Variants in PIGN observed in about 807,000 individuals in gnomAD.
PIGN encodes the protein phosphatidylinositol glycan anchor biosynthesis class N.
PIGN carries 117 observed loss-of-function variants against 125.4 expected under a neutral mutation model. The observed-to-expected ratio is 0.93, with a 90% CI of 0.80 to 1.09. The LOEUF is 1.09. PIGN is among the 50% of genes least tolerant of loss of function. The pLI is 0.00. For synonymous variants in PIGN, 392 were observed against 377.8 expected, an observed-to-expected ratio of 1.04 and a Z score of -0.44; for missense variants, 1,075 against 1,094.9, an observed-to-expected ratio of 0.98 and a Z score of 0.26.
chr18:62,029,296 A>C (rs979809804), intron 23 of PIGN, among the ~76,000 whole-genome samples: 1 of 152,026 alleles, frequency 6.6e-6, no homozygotes, highest in Admixed American at 6.6e-5. Flanking sequence ...CTTTTTTCTC[A>C]TATTCCCACC....
chr18:62,139,449 G>A (rs553864504), intron 12 of PIGN, among the ~76,000 whole-genome samples: 2 of 152,314 alleles, frequency 1.3e-5, no homozygotes, highest in Admixed American at 6.5e-5. Flanking sequence ...TACATAATAA[G>A]AGTAAGGACT....
intron 14 of PIGN, among the ~76,000 whole-genome samples, chr18:62,124,929 ATTATTT>A (rs1243314954): frequency 1.3e-5 from 2 of 150,024 alleles, no homozygotes; most frequent in African/African-American, 4.9e-5. Context: ...AAAACATGTA[ATTATTT>A]TTAATAGTTA....
rs755260689 is a variant in PIGN, at chr18:62,109,987, CA to C, written c.1435-15del. On this transcript the variant is annotated splice_polypyrimidine_tract_variant and intron_variant, in intron 16 of 30. Coordinates refer to ENST00000640252, the MANE Select transcript of PIGN (RefSeq NM_176787.5). ...ATGGCTTGGTTTCTGAAAAATCAAA[CA>C]AAACATTGAAACACTTCCAAACCAA... The C allele has an allele frequency of 1.2e-6, 2 of 1,612,352 alleles. No individual in the cohort carries two copies. The highest frequency in any genetic ancestry group is 1.7e-6 in the Non-Finnish European group (2 of 1,178,980).
intron 14 of PIGN, among the ~76,000 whole-genome samples, chr18:62,126,115 T>C (rs1356927889): frequency 1.3e-5 from 2 of 152,090 alleles, no homozygotes; most frequent in Non-Finnish European, 2.9e-5. Flanking sequence ...GCCAAGCAAT[T>C]TCTCCATGCA....
chr18:62,105,512 A>C, intron 20 of PIGN, 31 bp downstream of exon 20: 1 of 1,265,254 alleles, frequency 7.9e-7, no homozygotes, highest in African/African-American at 1.5e-5. Context: ...AAGTGTATTG[A>C]AAATAGAATA....
intron 14 of PIGN, among the ~76,000 whole-genome samples, chr18:62,127,404 T>A (rs763027648): frequency 6.6e-6 from 1 of 152,178 alleles, no homozygotes; most frequent in Non-Finnish European, 1.5e-5. Flanking sequence ...TATTGAATAC[T>A]GTTGCTGAAG....
At chr18:62,017,869 C>G (rs1467332641) in intron 23 of PIGN, 1 of 151,844 alleles carries the variant, frequency 6.6e-6, no homozygotes, top group Non-Finnish European at 1.5e-5. Context: ...ACTTGGCCAC[C>G]CCTAGCTGCG....
intron 30 of PIGN, among the ~76,000 whole-genome samples, chr18:62,046,247 T>C (rs1271629536): frequency 2.0e-5 from 3 of 152,058 alleles, no homozygotes; most frequent in African/African-American, 7.2e-5. Flanking sequence ...TATAAAATGG[T>C]GCCGTATTTG....
At chr18:62,026,362 A>T (rs2030118434) in intron 23 of PIGN, among the ~76,000 whole-genome samples, 1 of 152,180 alleles carries the variant, frequency 6.6e-6, no homozygotes, top group Non-Finnish European at 1.5e-5. Context: ...TTTGAACAAG[A>T]CTCAGCATTA....
chr18:62,162,220 G>A (rs2036979232), intron 3 of PIGN, 33 bp downstream of exon 3: 1 of 152,010 alleles, frequency 6.6e-6, no homozygotes, highest in South Asian at 2.1e-4. Context: ...GAAGCAATAT[G>A]AAACATTTAA....
intron 14 of PIGN, among the ~76,000 whole-genome samples, chr18:62,115,614 A>G (rs1249415970): frequency 7.0e-6 from 1 of 143,058 alleles, no homozygotes; most frequent in East Asian, 2.4e-4. Context: ...CTGAAGAGAT[A>G]GGACTGAGAC....
At chr18:62,067,215 A>G (rs2032572865) in intron 30 of PIGN, among the ~76,000 whole-genome samples, 1 of 152,066 alleles carries the variant, frequency 6.6e-6, no homozygotes, top group Admixed American at 6.6e-5. Context: ...GTTGTTGTTT[A>G]TGCATGCACC....
chr18:62,074,187 C>G (rs2033046421), intron 29 of PIGN, among the ~76,000 whole-genome samples: 1 of 152,210 alleles, frequency 6.6e-6, no homozygotes. Context: ...TAAACTGTAA[C>G]TGAATATAAC....
At chr18:62,067,019 T>C (rs560208968) in intron 30 of PIGN, among the ~76,000 whole-genome samples, 2 of 152,262 alleles carry the variant, frequency 1.3e-5, no homozygotes, top group South Asian at 4.1e-4. Flanking sequence ...ACTTATGCAT[T>C]TTTCTCTTTA....
chr18:62,080,353 A>T (rs771257086), intron 28 of PIGN, among the ~76,000 whole-genome samples: 28 of 152,188 alleles, frequency 1.8e-4, no homozygotes, highest in Non-Finnish European at 3.2e-4. Context: ...AAAGGTCTTC[A>T]TGGTCCATGT....
Position 62,085,198 on chromosome 18 carries a change from T to C in PIGN, c.2426+11A>G. On this transcript the variant is annotated intron_variant, in intron 26 of 30. Coordinates refer to ENST00000640252, the MANE Select transcript of PIGN (RefSeq NM_176787.5). ...TAGTTATATATATATGCCACTTTCA[T>C]TTAAAATTACCTGTTAATAGAAGCT... The C allele has an allele frequency of 6.9e-7, 1 of 1,455,444 alleles. No homozygotes were observed. Among genetic ancestry groups the C allele is most frequent in the South Asian group, 1.2e-5 (1 of 80,542 alleles). 90.2% of individuals were successfully genotyped at this position (1,455,444 alleles called of 1,614,324 possible).
At chr18:62,022,836 A>G (rs1392898036) in intron 23 of PIGN, among the ~76,000 whole-genome samples, 1 of 152,184 alleles carries the variant, frequency 6.6e-6, no homozygotes, top group Non-Finnish European at 1.5e-5. Context: ...TTGTTTCAAG[A>G]CCCTCTGTGG....
intron 1 of PIGN, among the ~76,000 whole-genome samples, chr18:62,173,629 C>A (rs2037414348): frequency 6.6e-6 from 1 of 152,124 alleles, no homozygotes; most frequent in Non-Finnish European, 1.5e-5. Flanking sequence ...TATTTCTTAC[C>A]TGTAAAATGC....
intron 14 of PIGN, among the ~76,000 whole-genome samples, chr18:62,124,819 T>TAA (rs1218839494): frequency 6.6e-6 from 1 of 152,180 alleles, no homozygotes; most frequent in East Asian, 1.9e-4. Flanking sequence ...TTTTCTTTGC[T>TAA]AAAAAACTTT....
Sources: gnomAD v4.1 joint callset for allele counts (sites outside exome capture counted in the v4.1 genomes callset) on GRCh38, gnomAD v4.1.1 for gene constraint, MANE v1.5 for transcripts, NCBI Gene and HGNC (gene_info 2026-07-23, HGNC 2026-07-21) for gene names.